PTBP3: variants seen among roughly 807,000 people sequenced by gnomAD.
PTBP3 encodes polypyrimidine tract-binding protein 3.
A neutral mutation model predicts 58.7 loss-of-function variants in PTBP3; 20 were observed. That is an observed-to-expected ratio of 0.34 (90% CI 0.24 to 0.50). The LOEUF is 0.50. PTBP3 is among the 20% of genes least tolerant of loss of function. PTBP3 has a pLI of 0.98. For missense variants in PTBP3, 509 were observed against 637.2 expected (o/e 0.80, Z 2.17); for synonymous variants, 185 against 219.8 (o/e 0.84, Z 1.40).
Position 112,262,204 on chromosome 9 carries a change from G to GA in PTBP3, c.516+230dup, listed in dbSNP as rs574292659. ...GCTTTATTTTCATGATTACCTACAA[G>GA]AAAAAAAAAATCAAAACTTTTTACA... On this transcript the variant is annotated intron_variant, in intron 5 of 13. Transcript: ENST00000374257. 3.1e-3 allele frequency among the ~76,000 whole-genome samples: 453 copies of GA among 146,800 alleles called. 3 individuals carry two copies. Among genetic ancestry groups the GA allele is most frequent in the African/African-American group, 8.8e-3 (355 of 40,130 alleles).
At chr9:112,275,139 A>ATTT (rs11424595) in intron 3 of PTBP3, among the ~76,000 whole-genome samples, 2 of 148,700 alleles carry the variant, frequency 1.3e-5, no homozygotes, top group Non-Finnish European at 3.0e-5. Flanking sequence ...TATACTTTTT[A>ATTT]TTTTTTTTTT....
At chr9:112,332,355 A>G (rs912354009) in intron 1 of PTBP3, among the ~76,000 whole-genome samples, 2 of 140,234 alleles carry the variant, frequency 1.4e-5, no homozygotes, top group African/African-American at 2.8e-5. Context: ...ATGAAATCTA[A>G]TGAGGTCAAA....
At chr9:112,349,651 G>T in the PTBP3 span, among the ~76,000 whole-genome samples, 1 of 151,896 alleles carries the variant, frequency 6.6e-6, no homozygotes, top group African/African-American at 2.4e-5. Flanking sequence ...CTGAGGTCAG[G>T]AGTTCAGGAC....
At chr9:112,294,872 G>GA (rs150102566) in intron 2 of PTBP3, among the ~76,000 whole-genome samples, 4 of 150,840 alleles carry the variant, frequency 2.7e-5, no homozygotes, top group African/African-American at 4.9e-5. Context: ...ATGAAAACAG[G>GA]AAAAAAAAAT....
intron 3 of PTBP3, among the ~76,000 whole-genome samples, chr9:112,269,866 T>C (rs1564421409): frequency 6.6e-6 from 1 of 152,144 alleles, no homozygotes; most frequent in Non-Finnish European, 1.5e-5. Flanking sequence ...CCTTTTTAAG[T>C]GTTTCTAGGA....
chr9:112,353,497 C>T, the PTBP3 span, among the ~76,000 whole-genome samples: 3 of 148,878 alleles, frequency 2.0e-5, no homozygotes, highest in East Asian at 2.1e-4. Flanking sequence ...CCACCCACCT[C>T]GGCCTCCCAA....
chr9:112,271,136 T>C (rs1827368092), intron 3 of PTBP3, among the ~76,000 whole-genome samples: 1 of 152,186 alleles, frequency 6.6e-6, no homozygotes, highest in Non-Finnish European at 1.5e-5. Flanking sequence ...TTTAGGTTCC[T>C]TTTTAAGTAC....
At chr9:112,342,491 C>T in the PTBP3 span, among the ~76,000 whole-genome samples, 11 of 152,092 alleles carry the variant, frequency 7.2e-5, 1 homozygote, top group East Asian at 3.9e-4. Context: ...CCGAAGTGGG[C>T]GGATCACTTG....
the PTBP3 span, among the ~76,000 whole-genome samples, chr9:112,375,975 C>A: frequency 6.6e-6 from 1 of 151,976 alleles, no homozygotes; most frequent in East Asian, 1.9e-4. Context: ...GGTGGCCTGG[C>A]AAAGGCTCCA....
intron 1 of PTBP3, among the ~76,000 whole-genome samples, chr9:112,320,261 G>A (rs1316847972): frequency 8.7e-6 from 1 of 114,420 alleles, no homozygotes; most frequent in African/African-American, 4.0e-5. Context: ...CTGGGCAACA[G>A]GACGAGACCC....
At position 112,222,693 on chromosome 9, in the gene PTBP3, C is replaced by G. The variant is rs1177776624; in HGVS notation, c.*1158G>C. On this transcript the variant is annotated 3_prime_UTR_variant, in exon 14 of 14. Transcript: ENST00000374257. ...CAATGAAAAAAATTTTAAATCCTTA[C>G]CAAAACAGAGAAAGAAAAAACAAAA... 1.0e-6 allele frequency: 1 copy of G among 982,526 alleles called. No individual in the cohort carries two copies. Among genetic ancestry groups the G allele is most frequent in the African/African-American group, 1.8e-5 (1 of 57,102 alleles). The allele number at this position is 982,526 out of a possible 1,614,324, so 60.9% of individuals were successfully genotyped here.
chr9:112,290,738 A>ACACACACACACACAC (rs1564438731), intron 2 of PTBP3, among the ~76,000 whole-genome samples: 6 of 148,570 alleles, frequency 4.0e-5, no homozygotes, highest in Non-Finnish European at 8.9e-5. Context: ...ACACACACAC[A>ACACACACACACACAC]ATCAAGTGTT....
chr9:112,331,318 AAATCCCCTTT>A (rs1357025816), intron 1 of PTBP3, among the ~76,000 whole-genome samples: 1 of 152,188 alleles, frequency 6.6e-6, no homozygotes, highest in African/African-American at 2.4e-5. Flanking sequence ...CAGGGTGTGA[AAATCCCCTTT>A]AAAGTCCTGC....
rs542590229 is a variant in PTBP3, at chr9:112,254,656, GCAAAT to G, written c.517-1873_517-1869del. Among the ~76,000 whole-genome samples, 342 of 152,218 alleles carry G rather than the reference GCAAAT, an allele frequency of 2.2e-3. 2 individuals are homozygous for G. Among genetic ancestry groups the G allele is most frequent in the African/African-American group, 7.9e-3 (328 of 41,530 alleles). ...CAATATCACTAATCATTAGAAAAATGCAAATCAAAACTACATATCACCTAACTTCC... is the reference window on the plus strand; with the variant it reads ...CAATATCACTAATCATTAGAAAAATGCAAAACTACATATCACCTAACTTCC... On this transcript the variant is annotated intron_variant, in intron 5 of 13. Transcript: ENST00000374257.
chr9:112,327,655 C>A (rs1337358862), intron 1 of PTBP3, among the ~76,000 whole-genome samples: 1 of 152,156 alleles, frequency 6.6e-6, no homozygotes, highest in Non-Finnish European at 1.5e-5. Context: ...AAAATTGTAA[C>A]ACCACAAATA....
intron 9 of PTBP3, 139 bp downstream of exon 9, chr9:112,231,952 GAGAAGAGA>G (rs1238515203): frequency 2.6e-6 from 1 of 387,846 alleles, no homozygotes; most frequent in Non-Finnish European, 4.3e-6. Flanking sequence ...GAGAAGAGAA[GAGAAGAGA>G]AGAGAAGAGA....
the PTBP3 span, among the ~76,000 whole-genome samples, chr9:112,361,640 ATAAAT>A: frequency 2.6e-5 from 4 of 152,194 alleles, no homozygotes; most frequent in African/African-American, 9.6e-5. Flanking sequence ...AATATTGTTA[ATAAAT>A]TAACATTTTG....
At chr9:112,366,705 T>C in the PTBP3 span, among the ~76,000 whole-genome samples, 4 of 152,166 alleles carry the variant, frequency 2.6e-5, no homozygotes, top group East Asian at 3.9e-4. Context: ...GCTAGGGTAG[T>C]GCAGAAGGGA....
intron 8 of PTBP3, among the ~76,000 whole-genome samples, chr9:112,232,464 C>T (rs781101626): frequency 6.6e-6 from 1 of 152,158 alleles, no homozygotes; most frequent in South Asian, 2.1e-4. Flanking sequence ...CCACACAGTA[C>T]TCTGCAGAGT....
Sources: allele counts gnomAD v4.1 joint callset (sites outside exome capture counted in the v4.1 genomes callset), GRCh38; gene constraint gnomAD v4.1.1; transcripts MANE v1.5; gene names NCBI Gene and HGNC (gene_info 2026-07-23, HGNC 2026-07-21).